Variants in ANKRD13B observed in about 807,000 individuals in gnomAD.
ANKRD13B encodes the protein ankyrin repeat domain-containing protein 13B.
In ANKRD13B, 33 loss-of-function variants were observed where a neutral mutation model predicts 74.4. The ratio of observed to expected loss-of-function variants is 0.44; its 90% CI spans 0.34 to 0.59. The LOEUF (loss-of-function observed/expected upper bound fraction) is 0.59. Among genes scored for constraint, ANKRD13B ranks in the 20% least tolerant of loss-of-function variants. ANKRD13B has a pLI of 0.02. For synonymous variants in ANKRD13B, 341 were observed against 362.9 expected (o/e 0.94, Z 0.68); for missense variants, 676 against 877.9 (o/e 0.77, Z 2.91).
intron 1 of ANKRD13B, among the ~76,000 whole-genome samples, chr17:29,604,322 C>T (rs1259757313): frequency 6.6e-6 from 1 of 151,684 alleles, no homozygotes; most frequent in African/African-American, 2.4e-5. Context: ...GATCCTCCTG[C>T]CTCAGTCACT....
In ANKRD13B at chr17:29,614,402, C is replaced by G. The variant is rs1425270186; in HGVS notation, c.*820C>G. On this transcript the variant is annotated 3_prime_UTR_variant, in exon 15 of 15. Coordinates refer to ENST00000394859, the MANE Select transcript of ANKRD13B (RefSeq NM_152345.5). Reference sequence around the variant, plus strand: ...ACAAAGGGCTCGCCCAGGGCCCTGGCGCCACCCCCACCCCTTCCCACCAGC... The same window carrying G: ...ACAAAGGGCTCGCCCAGGGCCCTGGGGCCACCCCCACCCCTTCCCACCAGC... 2 of 152,828 alleles carry G rather than the reference C, an allele frequency of 1.3e-5. No individual in the cohort carries two copies. The highest frequency in any genetic ancestry group is 4.8e-5 in the African/African-American group (2 of 41,394). The allele number at this position is 152,828 out of a possible 1,614,324, so 9.5% of individuals were successfully genotyped here. A position where few individuals can be genotyped will look rare whatever the true frequency, so the allele number is the denominator to read the frequency against.
chr17:29,597,601 A>G (rs376939849), intron 1 of ANKRD13B, among the ~76,000 whole-genome samples: 2 of 152,068 alleles, frequency 1.3e-5, no homozygotes, highest in Admixed American at 1.3e-4. Flanking sequence ...AAACCTTTTC[A>G]TTCCAGCAAT....
rs2034571226 is a variant in ANKRD13B at position 29,611,292 on chromosome 17, G to A, written c.905-287G>A. On this transcript the variant is annotated intron_variant, in intron 8 of 14. Coordinates refer to ENST00000394859, the MANE Select transcript of ANKRD13B (RefSeq NM_152345.5). The surrounding 1 kb of genome is among the most constrained non-coding windows in gnomAD (Gnocchi z 4.3). ...CCCCACAGTGCCTGCCGGGGCAGGC[G>A]TTTTACTGTCCAGGGTCACCGAGCT... 6.6e-6 allele frequency among the ~76,000 whole-genome samples: 1 copy of A among 152,234 alleles called. No homozygotes were observed.
intron 1 of ANKRD13B, among the ~76,000 whole-genome samples, chr17:29,607,131 A>C (rs2034419127): frequency 6.6e-6 from 1 of 152,192 alleles, no homozygotes. Flanking sequence ...CAATGTAATC[A>C]TGTTATTCAC....
intron 1 of ANKRD13B, among the ~76,000 whole-genome samples, chr17:29,604,651 T>G (rs528413477): frequency 1.3e-5 from 2 of 151,908 alleles, no homozygotes; most frequent in African/African-American, 4.8e-5. Context: ...AAGTGATTCT[T>G]GTGCCTCAGC....
chr17:29,607,446 G>A (rs548861157), intron 1 of ANKRD13B, among the ~76,000 whole-genome samples: 1 of 152,338 alleles, frequency 6.6e-6, no homozygotes, highest in African/African-American at 2.4e-5. Flanking sequence ...CTGGAGGAGA[G>A]GACCCAGCCA....
rs1488147807 is a variant in ANKRD13B, at chr17:29,594,803, G to A, written c.114+1068G>A. On this transcript the variant is annotated intron_variant, in intron 1 of 14. Coordinates refer to ENST00000394859, the MANE Select transcript of ANKRD13B (RefSeq NM_152345.5). ...CGCTGTGGGAATTTACCTTCTGAGG[G>A]CTGCTTATTGAGTCATGAGAAGTTC... is the stretch of plus-strand genomic sequence containing the variant. Among the ~76,000 whole-genome samples, 3 of 152,328 alleles carry A rather than the reference G, an allele frequency of 2.0e-5. No homozygotes were observed. The East Asian group carries it at 5.8e-4, about 29-fold the overall frequency.
chr17:29,613,051 TCGGCAGGG>T lies in ANKRD13B; in HGVS notation c.1652+89_1652+96del, dbSNP rs549633287. The T allele has an allele frequency of 4.1e-4, 612 of 1,497,876 alleles. 9 individuals carry two copies. In the East Asian group the frequency reaches 0.015, roughly 36 times the overall value. The allele number at this position is 1,497,876 out of a possible 1,614,324, so 92.8% of individuals were successfully genotyped here. On this transcript the variant is annotated intron_variant, in intron 14 of 14. Coordinates refer to ENST00000394859, the MANE Select transcript of ANKRD13B (RefSeq NM_152345.5). ...CACAGCCGGAGAACCCGCGGGGCCC[TCGGCAGGG>T]ACCCTCCTGGTATCGGGATGGCTTC... is the stretch of plus-strand genomic sequence containing the variant.
chr17:29,602,931 A>G (rs746467491), intron 1 of ANKRD13B, among the ~76,000 whole-genome samples: 1 of 152,128 alleles, frequency 6.6e-6, no homozygotes, highest in African/African-American at 2.4e-5. Context: ...GGCTCATTGC[A>G]ACCTCCCCTT....
Position 29,612,336 on chromosome 17 carries a change from G to C in ANKRD13B, c.1258+63G>C. 1.2e-6 allele frequency: 2 copies of C among 1,611,378 alleles called. No individual in the cohort carries two copies. The highest frequency in any genetic ancestry group is 1.7e-6 in the Non-Finnish European group (2 of 1,178,006). On this transcript the variant is annotated intron_variant, in intron 11 of 14. Coordinates refer to ENST00000394859, the MANE Select transcript of ANKRD13B (RefSeq NM_152345.5). This position sits in a 1 kb window ranked among gnomAD's most constrained non-coding sequence, Gnocchi z 6.1. ...GGCCGACCGGGGTTTAGATGAGGTC[G>C]GGGTGGGGCTGAGGCTGAGGTGTGA...
chr17:29,606,079 A>G (rs2034362647), intron 1 of ANKRD13B, among the ~76,000 whole-genome samples: 2 of 150,774 alleles, frequency 1.3e-5, no homozygotes, highest in Admixed American at 6.6e-5. Context: ...CGCCTGGCTA[A>G]TTTTGTATTT....
intron 1 of ANKRD13B, among the ~76,000 whole-genome samples, chr17:29,595,448 G>A (rs1277153441): frequency 2.6e-5 from 4 of 152,218 alleles, no homozygotes; most frequent in Non-Finnish European, 5.9e-5. Flanking sequence ...CTGAGGGTGG[G>A]TGGTCCTTTT....
chr17:29,593,776 G>C, intron 1 of ANKRD13B, 41 bp downstream of exon 1: 1 of 1,261,642 alleles, frequency 7.9e-7, no homozygotes, highest in Non-Finnish European at 1.0e-6. Flanking sequence ...CCCGCGGCCG[G>C]GCACGCCCGT....
chr17:29,612,716 G>A lies in ANKRD13B; in HGVS notation c.1476G>A (p.Met492Ile). The A allele has an allele frequency of 6.2e-7, 1 of 1,600,180 alleles. No individual in the cohort carries two copies. Among genetic ancestry groups the A allele is most frequent in the Non-Finnish European group, 8.5e-7 (1 of 1,178,298 alleles). ...LFEAPRGYSM[M>I]GGQREAATRD... ...AGGCCCCGCGCGGCTACAGCATGAT[G>A]GGCGGCCAGCGGGAGGCGGCGACCC... The change falls in exon 13 of 15, where the codon ATG becomes ATA. Residue 492 changes from methionine (M) to isoleucine (I), a missense_variant. By Grantham distance (10) the Met-to-Ile change is conservative (BLOSUM62 1). Around this residue, in one of 4 missense-constraint regions of ANKRD13B, gnomAD observed 152 missense variants for 181.4 expected, o/e 0.84. Transcript: ENST00000394859. The surrounding 1 kb of genome is among the most constrained non-coding windows in gnomAD (Gnocchi z 6.1).
At chr17:29,595,570 TG>T (rs2033924437) in intron 1 of ANKRD13B, among the ~76,000 whole-genome samples, 1 of 151,142 alleles carries the variant, frequency 6.6e-6, no homozygotes, top group African/African-American at 2.4e-5. Context: ...AAGGTTGGGG[TG>T]GGGGGCACCG....
At position 29,614,157 on chromosome 17, in the gene ANKRD13B, C is replaced by T. The variant is rs1173081055; in HGVS notation, c.*575C>T. On this transcript the variant is annotated 3_prime_UTR_variant, in exon 15 of 15. Coordinates refer to ENST00000394859, the MANE Select transcript of ANKRD13B (RefSeq NM_152345.5). ...CGGGGTACCCGGCTCCCCCAGCCCCCACACCCGTCCTGGGTCTCAGGGTGG... is the reference window on the plus strand; with the variant it reads ...CGGGGTACCCGGCTCCCCCAGCCCCTACACCCGTCCTGGGTCTCAGGGTGG... 1 of 152,686 alleles carries T rather than the reference C, an allele frequency of 6.5e-6. No homozygotes were observed. The highest frequency in any genetic ancestry group is 2.4e-5 in the African/African-American group (1 of 41,400). The allele number at this position is 152,686 out of a possible 1,614,324, so 9.5% of individuals were successfully genotyped here. A position where few individuals can be genotyped will look rare whatever the true frequency, so the allele number is the denominator to read the frequency against.
chr17:29,607,318 T>C (rs1280704932), intron 1 of ANKRD13B, among the ~76,000 whole-genome samples: 1 of 152,082 alleles, frequency 6.6e-6, no homozygotes, highest in South Asian at 2.1e-4. Flanking sequence ...TAGCTCTTCC[T>C]GAAGGTGGCC....
Position 29,611,845 on chromosome 17 carries a change from G to A in ANKRD13B, c.970-31G>A. Reference sequence around the variant, plus strand: ...TTGGCCTGGCATTAGGAACTGAGGGGAGCTCCTGGGCCCCTCCCCATGTGG... The same window carrying A: ...TTGGCCTGGCATTAGGAACTGAGGGAAGCTCCTGGGCCCCTCCCCATGTGG... On this transcript the variant is annotated intron_variant, in intron 9 of 14. Transcript: ENST00000394859. This position sits in a 1 kb window ranked among gnomAD's most constrained non-coding sequence, Gnocchi z 4.3. 6.4e-7 allele frequency: 1 copy of A among 1,568,022 alleles called. No individual in the cohort carries two copies. The highest frequency in any genetic ancestry group is 1.4e-5 in the African/African-American group (1 of 73,536).
chr17:29,613,050 C>T, intron 14 of ANKRD13B, 87 bp downstream of exon 14: 1 of 1,499,208 alleles, frequency 6.7e-7, no homozygotes, highest in Non-Finnish European at 9.0e-7. Context: ...CCGCGGGGCC[C>T]TCGGCAGGGA....
Sources: gnomAD v4.1 joint callset for allele counts (sites outside exome capture counted in the v4.1 genomes callset) on GRCh38, gnomAD v4.1.1 for gene constraint, gnomAD v4.1.1 regional missense constraint, Gnocchi (gnomAD v3.1) non-coding constraint, MANE v1.5 for transcripts, NCBI Gene and HGNC (gene_info 2026-07-23, HGNC 2026-07-21) for gene names.